The following MTUS1 variants were observed in gnomAD, a reference collection of about 807,000 sequenced individuals.
MTUS1 encodes microtubule associated scaffold protein 1, also known as microtubule-associated tumor suppressor 1.
A neutral mutation model predicts 120.8 loss-of-function variants in MTUS1; 109 were observed. That is an observed-to-expected ratio of 0.90 (90% CI 0.77 to 1.06). The LOEUF (loss-of-function observed/expected upper bound fraction) is 1.06, where lower values mean the gene tolerates loss of function less well. MTUS1 is among the 50% of genes least tolerant of loss of function. The pLI, the probability that MTUS1 is intolerant of heterozygous loss-of-function variation, is 0.00. For missense variants in MTUS1, 2,210 were observed against 1,486.3 expected (o/e 1.49, Z -8.01); for synonymous variants, 737 against 550.5 (o/e 1.34, Z -4.74).
At chr8:17,699,955 A>G (rs2130902693) in intron 6 of MTUS1, among the ~76,000 whole-genome samples, 1 of 152,314 alleles carries the variant, frequency 6.6e-6, no homozygotes, top group East Asian at 1.9e-4. Context: ...GTTCCAAAAA[A>G]TTCTTTGATT....
intron 1 of MTUS1, among the ~76,000 whole-genome samples, chr8:17,796,841 C>T (rs372798816): frequency 1.4e-4 from 21 of 152,254 alleles, no homozygotes; most frequent in African/African-American, 5.1e-4. Flanking sequence ...AGGCCAGACA[C>T]AGCGGCTCAC....
intron 3 of MTUS1, among the ~76,000 whole-genome samples, chr8:17,743,265 C>T (rs1299623550): frequency 6.6e-5 from 10 of 152,116 alleles, no homozygotes; most frequent in South Asian, 6.2e-4. Flanking sequence ...AGGGACCTAC[C>T]GTACAACACT....
At position 17,675,676 on chromosome 8, in the gene MTUS1, T is replaced by C. The variant is rs76284227; in HGVS notation, c.2839-424A>G. ...AAGCACATATATGCACTTTGTCCTA[T>C]ATTTGCACATAAAAAAGTTTCGTTA... On this transcript the variant is annotated intron_variant, in intron 7 of 14. Transcript: ENST00000693296. Among the ~76,000 whole-genome samples, 309 of 152,360 alleles carry C rather than the reference T, an allele frequency of 2.0e-3. 4 individuals are homozygous for C. Among genetic ancestry groups the C allele is most frequent in the African/African-American group, 7.3e-3 (302 of 41,586 alleles).
At chr8:17,681,841 G>A (rs1036338861) in intron 7 of MTUS1, among the ~76,000 whole-genome samples, 1 of 130,866 alleles carries the variant, frequency 7.6e-6, no homozygotes. Context: ...TAGTAGCCAC[G>A]CTGAGAAAAG....
chr8:17,686,593 C>G lies in MTUS1; in HGVS notation c.2624-2051G>C, dbSNP rs956454317. Reference sequence around the variant, plus strand: ...CCTGAGTCCTGAGTAACATTTGCCTCTCTTTCTAGAATTTCTATGCTAATC... The same window carrying G: ...CCTGAGTCCTGAGTAACATTTGCCTGTCTTTCTAGAATTTCTATGCTAATC... On this transcript the variant is annotated intron_variant, in intron 6 of 14. Transcript: ENST00000693296. Among the ~76,000 whole-genome samples, 10 of 152,294 alleles carry G rather than the reference C, an allele frequency of 6.6e-5. 1 individual carries two copies. The highest frequency in any genetic ancestry group is 5.2e-4 in the Admixed American group (8 of 15,290).
intron 1 of MTUS1, among the ~76,000 whole-genome samples, chr8:17,770,230 T>C (rs1313884147): frequency 6.6e-6 from 1 of 152,206 alleles, no homozygotes; most frequent in Non-Finnish European, 1.5e-5. Flanking sequence ...TTCTGCATAA[T>C]CATCTTAGCA....
chr8:17,682,552 A>G (rs993659358), intron 7 of MTUS1, among the ~76,000 whole-genome samples: 7 of 148,806 alleles, frequency 4.7e-5, no homozygotes, highest in Non-Finnish European at 1.0e-4. Context: ...TGCTATCATG[A>G]TCTAGTGGAA....
rs1458852843 is a variant in MTUS1 at position 17,753,771 on chromosome 8, T to C, written c.2037A>G (p.Gln679=). ...CATTCATAATCTCTTGTTTCAGCTCTTGTTTTTCCATAGATGTCCCATTTT... is the reference window on the plus strand; with the variant it reads ...CATTCATAATCTCTTGTTTCAGCTCCTGTTTTTCCATAGATGTCCCATTTT... The part of the protein sequence containing the change: ...EKENGTSMEK[Q]ELKQEIMNET... The change falls in exon 2 of 15, where the codon CAA becomes CAG. Residue 679 remains glutamine (Q), a synonymous_variant. Coordinates refer to ENST00000693296, the MANE Select transcript of MTUS1 (RefSeq NM_001363059.2). 3.1e-6 allele frequency: 5 copies of C among 1,613,044 alleles called. No individual in the cohort carries two copies. The African/African-American group carries it at 5.3e-5, about 17-fold the overall frequency.
chr8:17,791,128 C>G (rs1055286186), intron 1 of MTUS1, among the ~76,000 whole-genome samples: 2 of 152,180 alleles, frequency 1.3e-5, no homozygotes, highest in Non-Finnish European at 1.5e-5. Context: ...CAAGTCCAGT[C>G]CCAGTTCCAT....
chr8:17,759,384 C>T (rs2048868249), intron 1 of MTUS1, among the ~76,000 whole-genome samples: 1 of 151,540 alleles, frequency 6.6e-6, no homozygotes, highest in Admixed American at 6.6e-5. Context: ...CCACCTCAGC[C>T]TCCCGAGTAG....
chr8:17,713,347 T>G, intron 5 of MTUS1, 95 bp from the exon 6 acceptor site: 1 of 811,076 alleles, frequency 1.2e-6, no homozygotes, highest in Non-Finnish European at 2.0e-6. Context: ...TCAAAAACAA[T>G]CAATCGCTAC....
chr8:17,687,555 C>T (rs941659724), intron 6 of MTUS1, among the ~76,000 whole-genome samples: 3 of 152,100 alleles, frequency 2.0e-5, no homozygotes, highest in Non-Finnish European at 2.9e-5. Context: ...GTTTACTGTA[C>T]CTATTAACAG....
At position 17,645,759 on chromosome 8, in the gene MTUS1, G is replaced by T; in HGVS notation, c.*167C>A. ...GGACGGAGGCAAAAGTCTTCCTCCA[G>T]AGTTCCAGTCTCAGAAGCTGCGATT... On this transcript the variant is annotated 3_prime_UTR_variant, in exon 15 of 15. Coordinates refer to ENST00000693296, the MANE Select transcript of MTUS1 (RefSeq NM_001363059.2). 1 of 846,504 alleles carries T rather than the reference G, an allele frequency of 1.2e-6. No homozygotes were observed. The highest frequency in any genetic ancestry group is 1.7e-6 in the Non-Finnish European group (1 of 595,624). The allele number at this position is 846,504 out of a possible 1,614,324, so 52.4% of individuals were successfully genotyped here.
chr8:17,682,166 GT>G (rs1350744689), intron 7 of MTUS1, among the ~76,000 whole-genome samples: 1 of 152,152 alleles, frequency 6.6e-6, no homozygotes, highest in Non-Finnish European at 1.5e-5. Context: ...GCTGTCAGCA[GT>G]GCTTGGGATG....
intron 2 of MTUS1, among the ~76,000 whole-genome samples, chr8:17,753,277 C>T (rs1333978226): frequency 2.6e-5 from 4 of 152,120 alleles, no homozygotes; most frequent in South Asian, 2.1e-4. Flanking sequence ...CTGCCTCCTC[C>T]GCAAGAGTCC....
chr8:17,715,675 AC>A, intron 5 of MTUS1, 91 bp downstream of exon 5: 1 of 1,254,672 alleles, frequency 8.0e-7, no homozygotes, highest in East Asian at 2.4e-5. Flanking sequence ...TGTTGACTAT[AC>A]CATAAACCTA....
chr8:17,732,162 G>T (rs1759089827), intron 3 of MTUS1, among the ~76,000 whole-genome samples: 1 of 152,184 alleles, frequency 6.6e-6, no homozygotes, highest in South Asian at 2.1e-4. Flanking sequence ...AAAAGCCAAT[G>T]ACAAAGCCAC....
chr8:17,644,432 C>T lies in MTUS1; in HGVS notation c.*1494G>A, dbSNP rs1231364738. 6.6e-6 allele frequency: 1 copy of T among 151,778 alleles called. No homozygotes were observed. Among genetic ancestry groups the T allele is most frequent in the African/African-American group, 2.4e-5 (1 of 40,896 alleles). The allele number at this position is 151,778 out of a possible 1,614,324, so 9.4% of individuals were successfully genotyped here. ...AAATACTGACATCACAATGTTGACA[C>T]ATGCAGGGAGGGGGAGATAAAGCAA... On this transcript the variant is annotated 3_prime_UTR_variant, in exon 15 of 15. Coordinates refer to ENST00000693296, the MANE Select transcript of MTUS1 (RefSeq NM_001363059.2).
chr8:17,747,828 C>T (rs565499857), intron 2 of MTUS1, among the ~76,000 whole-genome samples: 2 of 152,216 alleles, frequency 1.3e-5, no homozygotes, highest in Non-Finnish European at 2.9e-5. Flanking sequence ...AAGAGTTCCA[C>T]GTGGCTGGGG....
Sources: allele counts gnomAD v4.1 joint callset (sites outside exome capture counted in the v4.1 genomes callset), GRCh38; gene constraint gnomAD v4.1.1; transcripts MANE v1.5; gene names NCBI Gene and HGNC (gene_info 2026-07-23, HGNC 2026-07-21).